CDC25C: variants seen among roughly 807,000 people sequenced by gnomAD.
The protein encoded by CDC25C is M-phase inducer phosphatase 3.
Under a neutral mutation model 52.5 loss-of-function variants are expected in CDC25C, and 48 were observed. That is an observed-to-expected ratio of 0.91 (90% CI 0.72 to 1.16). The LOEUF is 1.16. Among genes scored for constraint, CDC25C ranks in the 50% most tolerant of loss-of-function variants. CDC25C has a pLI of 0.00. For synonymous variants in CDC25C, 187 were observed against 206.5 expected, an observed-to-expected ratio of 0.91 and a Z score of 0.81; for missense variants, 510 against 566.1, an observed-to-expected ratio of 0.90 and a Z score of 1.01.
At chr5:138,314,934 T>G (rs1471498415) in intron 7 of CDC25C, among the ~76,000 whole-genome samples, 1 of 144,574 alleles carries the variant, frequency 6.9e-6, no homozygotes, top group Non-Finnish European at 1.5e-5. Flanking sequence ...ACTTTTTTTT[T>G]TTTTTTTTTT....
At chr5:138,289,871 CAAAA>C (rs756616111) in intron 9 of CDC25C, among the ~76,000 whole-genome samples, 2 of 80,384 alleles carry the variant, frequency 2.5e-5, no homozygotes, top group Non-Finnish European at 2.7e-5. Context: ...TATGAGCAGC[CAAAA>C]AAAAAAAAAA....
chr5:138,289,383 A>G lies in CDC25C; in HGVS notation c.927+118T>C, dbSNP rs145695311. On this transcript the variant is annotated intron_variant, in intron 10 of 13. Coordinates refer to ENST00000323760, the MANE Select transcript of CDC25C (RefSeq NM_001790.5). Reference sequence around the variant, plus strand: ...CCTTCAATATAACTTCAGTTGAATAAGGAGCCTGTGTGAGTGAACACAGTG... The same window carrying G: ...CCTTCAATATAACTTCAGTTGAATAGGGAGCCTGTGTGAGTGAACACAGTG... 3.5e-3 allele frequency: 2,481 copies of G among 714,720 alleles called. 21 individuals carry two copies. Among genetic ancestry groups the G allele is most frequent in the Middle Eastern group, 7.9e-3 (28 of 3,556 alleles). 44.3% of individuals were successfully genotyped at this position (714,720 alleles called of 1,614,324 possible).
intron 3 of CDC25C, 91 bp from the exon 4 acceptor site, chr5:138,328,620 G>C (rs11567967): frequency 1.2e-5 from 13 of 1,056,002 alleles, no homozygotes; most frequent in Admixed American, 1.1e-4. Flanking sequence ...CCAGTAAGCC[G>C]TATTAATTTC....
chr5:138,324,906 T>C (rs1384046579), intron 6 of CDC25C, among the ~76,000 whole-genome samples: 1 of 151,912 alleles, frequency 6.6e-6, no homozygotes, highest in African/African-American at 2.4e-5. Context: ...CCGTCTCTAC[T>C]AAAAACACAA....
intron 7 of CDC25C, among the ~76,000 whole-genome samples, chr5:138,299,862 A>G (rs1006828627): frequency 2.6e-5 from 4 of 152,118 alleles, no homozygotes; most frequent in Admixed American, 6.6e-5. Context: ...AAAATCGACA[A>G]ACTTTTAGCC....
At chr5:138,319,105 C>T (rs571374884) in intron 7 of CDC25C, 114 bp downstream of exon 7, 3 of 868,860 alleles carry the variant, frequency 3.5e-6, no homozygotes, top group South Asian at 1.7e-5. Flanking sequence ...TTGCTGGATT[C>T]ACTAGTTATT....
intron 10 of CDC25C, among the ~76,000 whole-genome samples, chr5:138,288,796 G>A (rs1756472535): frequency 6.6e-6 from 1 of 152,152 alleles, no homozygotes; most frequent in African/African-American, 2.4e-5. Flanking sequence ...TGTACAAACT[G>A]GGAGACTTTT....
At chr5:138,299,423 G>C (rs572356632) in intron 7 of CDC25C, among the ~76,000 whole-genome samples, 1 of 150,584 alleles carries the variant, frequency 6.6e-6, no homozygotes, top group African/African-American at 2.4e-5. Flanking sequence ...TTGAACCCAG[G>C]GGGCAGAGGT....
At chr5:138,297,269 C>A (rs928933083) in intron 7 of CDC25C, among the ~76,000 whole-genome samples, 2 of 152,100 alleles carry the variant, frequency 1.3e-5, no homozygotes, top group South Asian at 4.1e-4. Flanking sequence ...CTGTGTTGGC[C>A]ACACTGGTCT....
chr5:138,294,412 G>A (rs1401512217), intron 7 of CDC25C, among the ~76,000 whole-genome samples: 6 of 149,630 alleles, frequency 4.0e-5, no homozygotes, highest in African/African-American at 1.2e-4. Context: ...GGCTGGTGTC[G>A]AACTCCTGAC....
chr5:138,287,140 C>A, intron 11 of CDC25C, 29 bp downstream of exon 11: 1 of 1,466,096 alleles, frequency 6.8e-7, no homozygotes, highest in South Asian at 1.1e-5. Flanking sequence ...TCCAGCCCTC[C>A]CCTACTAATG....
intron 1 of CDC25C, 47 bp downstream of exon 1, chr5:138,331,548 A>G: frequency 9.3e-7 from 1 of 1,072,944 alleles, no homozygotes. Context: ...CCTAAGGGGG[A>G]CAATGGGGTC....
chr5:138,318,087 G>C (rs1295193176), intron 7 of CDC25C, among the ~76,000 whole-genome samples: 1 of 152,154 alleles, frequency 6.6e-6, no homozygotes, highest in African/African-American at 2.4e-5. Context: ...CCAGCTCTTT[G>C]GGAGGCCAAG....
chr5:138,320,147 A>G (rs1759240789), intron 6 of CDC25C, among the ~76,000 whole-genome samples: 1 of 152,112 alleles, frequency 6.6e-6, no homozygotes, highest in African/African-American at 2.4e-5. Context: ...TCTACTAAAA[A>G]TACAAAAATT....
In CDC25C at chr5:138,285,538, T is replaced by A. The variant is rs528179882; in HGVS notation, c.*154A>T. The A allele has an allele frequency of 1.6e-5, 12 of 733,858 alleles. No homozygotes were observed. The highest frequency in any genetic ancestry group is 2.3e-5 in the Non-Finnish European group (10 of 434,466). 45.5% of individuals were successfully genotyped at this position (733,858 alleles called of 1,614,324 possible). A position where few individuals can be genotyped will look rare whatever the true frequency, so the allele number is the denominator to read the frequency against. On this transcript the variant is annotated 3_prime_UTR_variant, in exon 14 of 14. Transcript: ENST00000323760. ...AGCTTTCAGCTCTGCTGAAACCTAATCCATTCCCAGGCCTGGATACAAGTT... is the reference window on the plus strand; with the variant it reads ...AGCTTTCAGCTCTGCTGAAACCTAAACCATTCCCAGGCCTGGATACAAGTT...
At chr5:138,322,896 C>T (rs940161289) in intron 6 of CDC25C, among the ~76,000 whole-genome samples, 46 of 151,994 alleles carry the variant, frequency 3.0e-4, no homozygotes, top group African/African-American at 1.1e-3. Context: ...GCTGGGATTA[C>T]AGGTGTGAGC....
At chr5:138,330,850 G>A (rs1760312567) in intron 2 of CDC25C, 137 bp downstream of exon 2, 2 of 639,596 alleles carry the variant, frequency 3.1e-6, no homozygotes, top group Non-Finnish European at 5.5e-6. Flanking sequence ...AGACTCAAAA[G>A]GGTTACACAG....
At chr5:138,300,015 A>G (rs1275830325) in intron 7 of CDC25C, among the ~76,000 whole-genome samples, 1 of 152,184 alleles carries the variant, frequency 6.6e-6, no homozygotes, top group South Asian at 2.1e-4. Flanking sequence ...CTTAGATGAA[A>G]TGGACTAATT....
At chr5:138,329,477 G>A (rs184951541) in intron 3 of CDC25C, 76 bp downstream of exon 3, 23 of 945,450 alleles carry the variant, frequency 2.4e-5, no homozygotes, top group Admixed American at 1.3e-4. Context: ...ACCACCTTCC[G>A]TCTCTATCCT....
Sources: gnomAD v4.1 joint callset for allele counts (sites outside exome capture counted in the v4.1 genomes callset) on GRCh38, gnomAD v4.1.1 for gene constraint, MANE v1.5 for transcripts, NCBI Gene and HGNC (gene_info 2026-07-23, HGNC 2026-07-21) for gene names.